Variants in DMBT1 observed in about 807,000 individuals in gnomAD.
DMBT1 encodes deleted in malignant brain tumors 1.
In DMBT1, 198 loss-of-function variants were observed where a neutral mutation model predicts 252.9. That is an observed-to-expected ratio of 0.78 (90% CI 0.70 to 0.88). The LOEUF (loss-of-function observed/expected upper bound fraction) is 0.88, where lower values mean the gene tolerates loss of function less well. Ranked by LOEUF, DMBT1 falls within the 40% of genes least tolerant of loss-of-function variation. DMBT1 has a pLI of 0.00. For missense variants in DMBT1, 2,432 were observed against 2,404.7 expected, an observed-to-expected ratio of 1.01 and a Z score of -0.24; for synonymous variants, 990 against 942.7, an observed-to-expected ratio of 1.05 and a Z score of -0.92.
chr10:122,587,347 C>T (rs778839081), intron 16 of DMBT1, among the ~76,000 whole-genome samples: 1 of 148,502 alleles, frequency 6.7e-6, no homozygotes, highest in African/African-American at 2.4e-5. Flanking sequence ...AGTGGAGATT[C>T]GTGACTGTCC....
chr10:122,586,354 A>T lies in DMBT1; in HGVS notation c.1754A>T (p.His585Leu). ...GGCTGGCTCTCCCATAACTGTGGCC[A>T]TAGTGAAGACGCTGGTGTCATCTGC... ...HNGWLSHNCG[H>L]SEDAGVICSG... The change falls in exon 16 of 56, where the codon CAT (histidine) becomes CTT (leucine). Residue 585 changes from histidine (H) to leucine (L), a missense_variant. Around this residue, in one of 3 missense-constraint regions of DMBT1, gnomAD observed 1,264 missense variants for 1,082.2 expected, o/e 1.17. Transcript: ENST00000338354. The T allele has an allele frequency of 6.3e-7, 1 of 1,588,688 alleles. No homozygotes were observed.
chr10:122,600,894 A>C (rs888980844), intron 27 of DMBT1, 97 bp from the exon 28 acceptor site: 50 of 644,818 alleles, frequency 7.8e-5, no homozygotes, highest in Middle Eastern at 3.5e-4. Flanking sequence ...AGGAAGTGGA[A>C]TTGTTGCCAG....
chr10:122,632,076 T>C (rs1041386142), intron 50 of DMBT1, among the ~76,000 whole-genome samples: 2 of 152,048 alleles, frequency 1.3e-5, no homozygotes, highest in African/African-American at 4.8e-5. Context: ...CACCTAAGAT[T>C]AGGATCTCCA....
At chr10:122,617,458 T>C (rs1162211426) in intron 40 of DMBT1, among the ~76,000 whole-genome samples, 198 bp downstream of exon 40, 1 of 151,362 alleles carries the variant, frequency 6.6e-6, no homozygotes, top group Non-Finnish European at 1.5e-5. Flanking sequence ...CTGTCTCTCA[T>C]GGGACCCTGT....
intron 14 of DMBT1, among the ~76,000 whole-genome samples, chr10:122,584,615 T>C (rs1425419814): frequency 2.0e-5 from 3 of 149,022 alleles, no homozygotes; most frequent in Non-Finnish European, 3.0e-5. Context: ...GTTTAGGAAG[T>C]GGCCTCATAT....
In DMBT1 at chr10:122,630,459, C is replaced by G. The variant is rs1477492816; in HGVS notation, c.5994C>G (p.Gly1998=). 1.2e-6 allele frequency: 2 copies of G among 1,613,988 alleles called. No homozygotes were observed. Among genetic ancestry groups the G allele is most frequent in the South Asian group, 2.2e-5 (2 of 91,078 alleles). ...GTGACATCAGTTTCCAAAACACTGG[C>G]TTTTTGGCTTGGTATAACTCCTTCC... The part of the protein sequence containing the change: ...FRSDISFQNT[G]FLAWYNSFPS... Residue 1998 remains glycine, a synonymous_variant, in exon 48 of 56, where the codon GGC becomes GGG. Transcript: ENST00000338354.
At position 122,590,685 on chromosome 10, in the gene DMBT1, C is replaced by A; in HGVS notation, c.2128C>A (p.Pro710Thr). The A allele has an allele frequency of 6.3e-7, 1 of 1,587,916 alleles. No homozygotes were observed. Among genetic ancestry groups the A allele is most frequent in the South Asian group, 1.2e-5 (1 of 86,912 alleles). ...ICSAAQSRST[P>T]RPDTLSTITL... ...CACAGCTGCCCAGTCCCGGTCGACG[C>A]CCAGGCCAGGTGAGTCCCCAGTGTC... The change falls in exon 18 of 56, where the codon CCC (proline) becomes ACC (threonine). Residue 710 changes from proline to threonine, a missense_variant. By Grantham distance (38) the Pro-to-Thr change is conservative (BLOSUM62 -1). Around this residue, in one of 3 missense-constraint regions of DMBT1, gnomAD observed 1,264 missense variants for 1,082.2 expected, o/e 1.17. Coordinates refer to ENST00000338354, the MANE Select transcript of DMBT1 (RefSeq NM_001377530.1).
At chr10:122,563,653 T>C (rs2097566760) in intron 1 of DMBT1, among the ~76,000 whole-genome samples, 1 of 152,124 alleles carries the variant, frequency 6.6e-6, no homozygotes, top group African/African-American at 2.4e-5. Context: ...TTACCACCAT[T>C]CCCACAATGG....
intron 1 of DMBT1, among the ~76,000 whole-genome samples, chr10:122,561,871 T>C (rs2097549845): frequency 6.7e-6 from 1 of 148,324 alleles, no homozygotes; most frequent in Non-Finnish European, 1.5e-5. Flanking sequence ...TCTCTCTTTC[T>C]CTTTATTGGG....
In DMBT1 at chr10:122,618,292, C is replaced by G. The variant is rs369964334; in HGVS notation, c.5167C>G (p.Leu1723Val). The change falls in exon 41 of 56, where the codon CTC becomes GTC. Residue 1723 changes from leucine (L) to valine (V), a missense_variant. This residue lies in a region of DMBT1 where 1,162 missense variants were observed against 1,169.0 expected (regional missense o/e 0.99). Coordinates refer to ENST00000338354, the MANE Select transcript of DMBT1 (RefSeq NM_001377530.1). ...GTGGAGCTGCCCCCACAATGGCTGG[C>G]TCTCCCACAACTGTGGCCATCATGA... ...YLWSCPHNGWLSHNCGHHEDA... is the reference protein window; with the variant it reads ...YLWSCPHNGWVSHNCGHHEDA... The G allele has an allele frequency of 2.5e-6, 4 of 1,613,728 alleles. No homozygotes were observed.
chr10:122,619,450 T>A, intron 42 of DMBT1, 113 bp downstream of exon 42: 1 of 1,415,002 alleles, frequency 7.1e-7, no homozygotes, highest in Non-Finnish European at 9.9e-7. Context: ...GGGCATATTA[T>A]TTTTCCTCCC....
intron 2 of DMBT1, among the ~76,000 whole-genome samples, chr10:122,568,005 T>C (rs774540145): frequency 2.6e-5 from 4 of 152,120 alleles, no homozygotes; most frequent in Non-Finnish European, 5.9e-5. Flanking sequence ...ATTGAATCAA[T>C]GAATGTGGAT....
chr10:122,634,441 TCTCTCTCTCTCTCTCTCTCTCTC>T lies in DMBT1; in HGVS notation c.6548+1101_6548+1123del, dbSNP rs2098204424. Among the ~76,000 whole-genome samples the T allele has an allele frequency of 7.9e-5, 5 of 63,684 alleles. 1 individual carries two copies. The highest frequency in any genetic ancestry group is 3.4e-4 in the African/African-American group (5 of 14,718). 41.8% of individuals were successfully genotyped at this position (63,684 alleles called of 152,430 possible). A position where few individuals can be genotyped will look rare whatever the true frequency, so the allele number is the denominator to read the frequency against. On this transcript the variant is annotated intron_variant, in intron 52 of 55. Transcript: ENST00000338354. The stretch of plus-strand genomic sequence containing the variant: ...TCTCTCTCTCTCTCTTCTCTCTCTC[TCTCTCTCTCTCTCTCTCTCTCTC>T]TCTCTCTCTCTCTCTCTTTCTCTCT...
chr10:122,619,125 G>A (rs1435575520), intron 41 of DMBT1, among the ~76,000 whole-genome samples, 183 bp from the exon 42 acceptor site: 2 of 152,154 alleles, frequency 1.3e-5, no homozygotes, highest in African/African-American at 4.8e-5. Flanking sequence ...TAGTGGCCAG[G>A]ATCTGCCTGC....
chr10:122,570,304 T>G, intron 3 of DMBT1, 95 bp downstream of exon 3: 1 of 1,055,340 alleles, frequency 9.5e-7, no homozygotes, highest in Non-Finnish European at 1.5e-6. Context: ...GCCATACTTC[T>G]AGCAACTCTG....
Position 122,618,127 on chromosome 10 carries a change from G to A in DMBT1, c.5002G>A (p.Asp1668Asn). Residue 1668 changes from aspartate (D) to asparagine (N), a missense_variant, in exon 41 of 56, where the codon GAC (aspartate) becomes AAC (asparagine). Asp to Asn is a conservative substitution (Grantham distance 23, BLOSUM62 1). Transcript: ENST00000338354. Reference sequence around the variant, plus strand: ...GGGCACCGTGTGTGATGACTACTGGGACACCAATGATGCCAACGTGGTCTG... The same window carrying A: ...GGGCACCGTGTGTGATGACTACTGGAACACCAATGATGCCAACGTGGTCTG... Reference protein sequence around the residue: ...SWGTVCDDYWDTNDANVVCRQ... With the variant: ...SWGTVCDDYWNTNDANVVCRQ... The A allele has an allele frequency of 1.2e-6, 2 of 1,613,938 alleles. No individual in the cohort carries two copies. The highest frequency in any genetic ancestry group is 2.2e-5 in the South Asian group (2 of 91,068).
At position 122,577,796 on chromosome 10, in the gene DMBT1, A is replaced by G; in HGVS notation, c.608-15A>G. 6.2e-7 allele frequency: 1 copy of G among 1,613,252 alleles called. No homozygotes were observed. The highest frequency in any genetic ancestry group is 8.5e-7 in the Non-Finnish European group (1 of 1,179,594). On this transcript the variant is annotated splice_polypyrimidine_tract_variant and intron_variant, in intron 7 of 55. Coordinates refer to ENST00000338354, the MANE Select transcript of DMBT1 (RefSeq NM_001377530.1). Reference sequence around the variant, plus strand: ...TGAGTGTTTGGTGTCTAATGTTGCTATTTTTTTCTCACAGCTGCCCAGCCT... The same window carrying G: ...TGAGTGTTTGGTGTCTAATGTTGCTGTTTTTTTCTCACAGCTGCCCAGCCT...
In DMBT1 at chr10:122,598,943, C is replaced by T. The variant is rs778318510; in HGVS notation, c.3126C>T (p.Ala1042=). ...TGGGCTGTGGCTGGGCCATGTCAGC[C>T]CCAGGAAATGCCCGGTTTGGTCAGG... ...RQLGCGWAMS[A]PGNARFGQGS... is the part of the protein sequence containing the mutation. The change falls in exon 26 of 56, where the codon GCC becomes GCT. Residue 1042 remains alanine, a synonymous_variant. Coordinates refer to ENST00000338354, the MANE Select transcript of DMBT1 (RefSeq NM_001377530.1). The T allele has an allele frequency of 3.1e-6, 5 of 1,613,786 alleles. No individual in the cohort carries two copies. In the South Asian group the frequency reaches 5.5e-5, roughly 18 times the overall value.
intron 7 of DMBT1, 151 bp from the exon 8 acceptor site, chr10:122,577,660 G>A (rs569981800): frequency 4.9e-4 from 381 of 774,098 alleles, no homozygotes; most frequent in Non-Finnish European, 7.3e-4. Flanking sequence ...CTGAGGGACC[G>A]AGGGCTTCAC....
Sources: gnomAD v4.1 joint callset for allele counts (sites outside exome capture counted in the v4.1 genomes callset) on GRCh38, gnomAD v4.1.1 for gene constraint, gnomAD v4.1.1 regional missense constraint, MANE v1.5 for transcripts, NCBI Gene and HGNC (gene_info 2026-07-23, HGNC 2026-07-21) for gene names.